Variants in PLD3 observed in about 807,000 individuals in gnomAD.
PLD3 encodes the protein 5'-3' exonuclease PLD3.
PLD3 carries 31 observed loss-of-function variants against 58.4 expected under a neutral mutation model. The ratio of observed to expected loss-of-function variants is 0.53; its 90% CI spans 0.40 to 0.72. The LOEUF (loss-of-function observed/expected upper bound fraction) is 0.72, where lower values mean the gene tolerates loss of function less well. Ranked by LOEUF, PLD3 falls within the 30% of genes least tolerant of loss-of-function variation. The pLI is 0.00. For synonymous variants in PLD3, 264 were observed against 273.4 expected, an observed-to-expected ratio of 0.97 and a Z score of 0.34; for missense variants, 595 against 659.8, an observed-to-expected ratio of 0.90 and a Z score of 1.08.
At chr19:40,369,658 G>A (rs954851957) in intron 6 of PLD3, among the ~76,000 whole-genome samples, 14 of 152,220 alleles carry the variant, frequency 9.2e-5, no homozygotes, top group Admixed American at 9.2e-4. Context: ...GAAAGTCCCT[G>A]GAGGGGCAGG....
intron 5 of PLD3, chr19:40,367,130 A>AC: frequency 3.6e-6 from 2 of 562,540 alleles, no homozygotes; most frequent in Non-Finnish European, 6.2e-6. Context: ...GTGAACAGAC[A>AC]CAGCATCTTC....
rs2079214370 is a variant in PLD3 at position 40,376,751 on chromosome 19, C to G, written c.1162C>G (p.His388Asp). 2.5e-6 allele frequency: 4 copies of G among 1,600,392 alleles called. No individual in the cohort carries two copies. Among genetic ancestry groups the G allele is most frequent in the Non-Finnish European group, 3.4e-6 (4 of 1,179,886 alleles). Residue 388 changes from histidine to aspartate, a missense_variant, in exon 11 of 13, where the codon CAT becomes GAT. His to Asp is a moderately conservative substitution (Grantham distance 81). Transcript: ENST00000409735. Reference protein sequence around the residue: ...LLSLAALRDNHTHSDIQVKLF... With the variant: ...LLSLAALRDNDTHSDIQVKLF... Reference sequence around the variant, plus strand: ...CTCTCTGGCTGCCCTGCGTGACAACCATACCCACTCTGACATCCAGGTGGT... The same window carrying G: ...CTCTCTGGCTGCCCTGCGTGACAACGATACCCACTCTGACATCCAGGTGGT...
chr19:40,376,738 C>T lies in PLD3; in HGVS notation c.1149C>T (p.Ala383=). The stretch of plus-strand genomic sequence containing the variant: ...GGGCCTTCCTGCTCTCTCTGGCTGC[C>T]CTGCGTGACAACCATACCCACTCTG... ...SMRAFLLSLA[A]LRDNHTHSDI... Residue 383 remains alanine, a synonymous_variant, in exon 11 of 13, where the codon GCC becomes GCT. Transcript: ENST00000409735. The T allele has an allele frequency of 1.2e-6, 2 of 1,601,224 alleles. No individual in the cohort carries two copies. Among genetic ancestry groups the T allele is most frequent in the South Asian group, 1.1e-5 (1 of 91,082 alleles).
intron 1 of PLD3, among the ~76,000 whole-genome samples, chr19:40,351,996 G>A (rs964519414): frequency 8.5e-5 from 13 of 152,184 alleles, no homozygotes; most frequent in African/African-American, 3.1e-4. Context: ...TCGAGACCGG[G>A]CGTGGTGGTT....
At chr19:40,364,474 C>T (rs1019638354) in intron 1 of PLD3, among the ~76,000 whole-genome samples, 2 of 149,966 alleles carry the variant, frequency 1.3e-5, no homozygotes, top group African/African-American at 2.5e-5. Context: ...AGCAAGACCC[C>T]GTCTATACAA....
chr19:40,355,602 G>C (rs1467249605), intron 1 of PLD3, among the ~76,000 whole-genome samples: 1 of 141,590 alleles, frequency 7.1e-6, no homozygotes, highest in African/African-American at 2.6e-5. Context: ...GTGAGCCACC[G>C]TGCCGGCTCC....
At position 40,371,802 on chromosome 19, in the gene PLD3, G is replaced by A; in HGVS notation, c.808G>A (p.Asp270Asn). The A allele has an allele frequency of 1.2e-6, 2 of 1,614,134 alleles. No individual in the cohort carries two copies. Among genetic ancestry groups the A allele is most frequent in the Non-Finnish European group, 1.7e-6 (2 of 1,180,036 alleles). Residue 270 changes from aspartate to asparagine, a missense_variant, in exon 9 of 13, where the codon GAC (aspartate) becomes AAC (asparagine). By Grantham distance (23) the Asp-to-Asn change is conservative. Transcript: ENST00000409735. ...CCCATCAACTTGGCCCCGGTTCTAT[G>A]ACACCCGCTACAACCAAGAGACACC... ...SIPSTWPRFY[D>N]TRYNQETPME...
intron 10 of PLD3, chr19:40,376,248 G>A (rs1337586675): frequency 1.0e-5 from 2 of 193,114 alleles, no homozygotes; most frequent in East Asian, 1.3e-4. Flanking sequence ...CTAGCTACCC[G>A]GGAGGCTGAG....
At chr19:40,357,878 A>G (rs1256705276) in intron 1 of PLD3, 1 of 152,180 alleles carries the variant, frequency 6.6e-6, no homozygotes, top group South Asian at 2.1e-4. Flanking sequence ...TCCATGGATG[A>G]TCTCATTGAC....
intron 1 of PLD3, among the ~76,000 whole-genome samples, chr19:40,363,938 C>T (rs1047666185): frequency 2.6e-5 from 4 of 152,036 alleles, no homozygotes; most frequent in African/African-American, 7.2e-5. Context: ...GAGTAATGCG[C>T]GCCCCTGATT....
At chr19:40,366,380 G>A (rs546425328) in intron 2 of PLD3, 39 bp from the exon 3 acceptor site, 17 of 956,644 alleles carry the variant, frequency 1.8e-5, no homozygotes, top group South Asian at 1.3e-4. Context: ...CCTGGAAAGC[G>A]TAGAACACCC....
intron 1 of PLD3, among the ~76,000 whole-genome samples, chr19:40,354,221 A>C (rs1256793159): frequency 2.0e-5 from 3 of 151,506 alleles, no homozygotes; most frequent in Non-Finnish European, 2.9e-5. Context: ...TTACAGGTGC[A>C]TGCCACCAGG....
intron 1 of PLD3, among the ~76,000 whole-genome samples, chr19:40,353,815 T>G (rs1370155667): frequency 6.6e-6 from 1 of 152,052 alleles, no homozygotes; most frequent in African/African-American, 2.4e-5. Context: ...CCTGACCTCA[T>G]GATCCGCCCG....
intron 1 of PLD3, among the ~76,000 whole-genome samples, chr19:40,355,502 G>A (rs986734995): frequency 4.6e-5 from 7 of 150,988 alleles, no homozygotes; most frequent in East Asian, 2.0e-4. Context: ...TAGTAGAGAC[G>A]GGTTTCTCCA....
rs113940479 is a variant in PLD3 at position 40,366,770 on chromosome 19, C to A, written c.103-3C>A. 6.2e-7 allele frequency: 1 copy of A among 1,613,974 alleles called. No individual in the cohort carries two copies. The highest frequency in any genetic ancestry group is 1.1e-5 in the South Asian group (1 of 91,090). On this transcript the variant is annotated splice_polypyrimidine_tract_variant and splice_region_variant and intron_variant, in intron 4 of 12. Coordinates refer to ENST00000409735, the MANE Select transcript of PLD3 (RefSeq NM_012268.4). ...CTGGCTGACCACCTCCTCCTCCCCACAGAAAGCCCGCTGGGTCCTGCTGGT... is the reference window on the plus strand; with the variant it reads ...CTGGCTGACCACCTCCTCCTCCCCAAAGAAAGCCCGCTGGGTCCTGCTGGT...
intron 1 of PLD3, among the ~76,000 whole-genome samples, chr19:40,349,154 C>A (rs2078415387): frequency 6.6e-6 from 1 of 152,096 alleles, no homozygotes; most frequent in Non-Finnish European, 1.5e-5. Context: ...GCTTTTGTTG[C>A]CATTTCTCCT....
At chr19:40,368,864 G>A (rs2078994488) in intron 6 of PLD3, among the ~76,000 whole-genome samples, 1 of 151,914 alleles carries the variant, frequency 6.6e-6, no homozygotes, top group Non-Finnish European at 1.5e-5. Context: ...GTTGGAGGCT[G>A]CAGCGAGCCG....
chr19:40,353,745 A>T (rs1388783516), intron 1 of PLD3, among the ~76,000 whole-genome samples: 1 of 150,604 alleles, frequency 6.6e-6, no homozygotes, highest in East Asian at 2.0e-4. Flanking sequence ...CGCCTGGCTA[A>T]TTTTTTGTAT....
In PLD3 at chr19:40,378,297, C is replaced by T. The variant is rs985302786; in HGVS notation, c.*124C>T. 4 of 887,626 alleles carry T rather than the reference C, an allele frequency of 4.5e-6. No homozygotes were observed. Among genetic ancestry groups the T allele is most frequent in the Non-Finnish European group, 7.4e-6 (4 of 540,858 alleles). 55.0% of individuals were successfully genotyped at this position (887,626 alleles called of 1,614,324 possible). A position where few individuals can be genotyped will look rare whatever the true frequency, so the allele number is the denominator to read the frequency against. On this transcript the variant is annotated 3_prime_UTR_variant, in exon 13 of 13. Transcript: ENST00000409735. ...CCATTGTGGCTCCTCAGGCTCTCTC[C>T]CCTGCTCTCCCACCTCTACCTCCAC...
Sources: allele counts gnomAD v4.1 joint callset (sites outside exome capture counted in the v4.1 genomes callset), GRCh38; gene constraint gnomAD v4.1.1; transcripts MANE v1.5; gene names NCBI Gene and HGNC (gene_info 2026-07-23, HGNC 2026-07-21).